Variants in CACNA1D observed in about 807,000 individuals in gnomAD.
CACNA1D encodes the protein voltage-dependent L-type calcium channel subunit alpha-1D.
A neutral mutation model predicts 257.1 loss-of-function variants in CACNA1D; 55 were observed. The observed-to-expected ratio is 0.21, with a 90% confidence interval of 0.17 to 0.27. CACNA1D has a LOEUF of 0.27. Among genes scored for constraint, CACNA1D ranks in the 10% least tolerant of loss-of-function variants. The pLI is 1.00. For synonymous variants in CACNA1D, 980 were observed against 1,014.9 expected (o/e 0.97, Z 0.65); for missense variants, 1,876 against 2,784.0 (o/e 0.67, Z 7.34).
intron 4 of CACNA1D, among the ~76,000 whole-genome samples, chr3:53,652,793 T>A (rs999497645): frequency 6.6e-6 from 1 of 152,334 alleles, no homozygotes; most frequent in East Asian, 1.9e-4. Context: ...ATGGCCACAC[T>A]CATTTGTTTA....
chr3:53,620,318 G>A (rs1461620924), intron 3 of CACNA1D, among the ~76,000 whole-genome samples: 1 of 152,160 alleles, frequency 6.6e-6, no homozygotes, highest in African/African-American at 2.4e-5. Context: ...TTTTGAGACA[G>A]GGTCTTACTC....
At chr3:53,735,054 A>C (rs1288508174) in intron 19 of CACNA1D, among the ~76,000 whole-genome samples, 1 of 152,112 alleles carries the variant, frequency 6.6e-6, no homozygotes, top group Non-Finnish European at 1.5e-5. Flanking sequence ...TACTAGTGTC[A>C]CTTTAGAATT....
chr3:53,791,954 TG>T (rs1272317023), intron 40 of CACNA1D: 1 of 152,214 alleles, frequency 6.6e-6, no homozygotes, highest in Non-Finnish European at 1.5e-5. Context: ...ATCTGTAAAA[TG>T]GGGTTAATAA....
chr3:53,722,426 A>G lies in CACNA1D; in HGVS notation c.1618A>G (p.Ile540Val), dbSNP rs200258942. The G allele has an allele frequency of 8.7e-6, 14 of 1,613,962 alleles. No homozygotes were observed. The highest frequency in any genetic ancestry group is 8.3e-5 in the Admixed American group (5 of 59,990). The part of the protein sequence containing the change: ...IVLVFLNTLT[I>V]SSEHYNQPDW... Reference sequence around the variant, plus strand: ...CCTGGTGTTTCTGAACACCTTAACCATTTCCTCTGAGCACTACAATCAGCC... The same window carrying G: ...CCTGGTGTTTCTGAACACCTTAACCGTTTCCTCTGAGCACTACAATCAGCC... The change falls in exon 12 of 48, where the codon ATT becomes GTT. Residue 540 changes from isoleucine (I) to valine (V), a missense_variant. Ile to Val is a conservative substitution (Grantham distance 29). Transcript: ENST00000350061.
intron 3 of CACNA1D, among the ~76,000 whole-genome samples, chr3:53,598,423 A>C: frequency 6.6e-6 from 1 of 151,800 alleles, no homozygotes; most frequent in East Asian, 1.9e-4. Context: ...TAAAAAAAAA[A>C]AAACCCAAAA....
At chr3:53,517,241 G>A (rs961377430) in intron 3 of CACNA1D, among the ~76,000 whole-genome samples, 1 of 38,262 alleles carries the variant, frequency 2.6e-5, no homozygotes, top group African/African-American at 1.2e-4. Flanking sequence ...TCACTGCAAG[G>A]CCCTGAATCC....
Position 53,799,213 on chromosome 3 carries a change from A to T in CACNA1D, c.4924-1036A>T, listed in dbSNP as rs550925325. On this transcript the variant is annotated intron_variant, in intron 40 of 47. Transcript: ENST00000350061. ...TTCAGATGCAGGACTTTCTGTGGAA[A>T]AGAATAAAGTTGCCATACAGTCCCT... 5.3e-4 allele frequency among the ~76,000 whole-genome samples: 80 copies of T among 152,214 alleles called. 1 individual carries two copies. The highest frequency in any genetic ancestry group is 9.3e-4 in the Non-Finnish European group (63 of 68,036).
At position 53,793,529 on chromosome 3, in the gene CACNA1D, G is replaced by A. The variant is rs896761499; in HGVS notation, c.4923+6577G>A. On this transcript the variant is annotated intron_variant, in intron 40 of 47. Transcript: ENST00000350061. The surrounding 1 kb of genome is among the most constrained non-coding windows in gnomAD (Gnocchi z 4.1). ...CAGAAAGGCCCCAAGCGATTCAAGT[G>A]GGCGGCGTTTCCATGTGCCTTCTCC... Among the ~76,000 whole-genome samples the A allele has an allele frequency of 4.6e-5, 7 of 152,190 alleles. No individual in the cohort carries two copies. The highest frequency in any genetic ancestry group is 1.7e-4 in the African/African-American group (7 of 41,452).
intron 47 of CACNA1D, 179 bp downstream of exon 47, chr3:53,810,477 C>G (rs1425256181): frequency 1.4e-6 from 1 of 689,660 alleles, no homozygotes; most frequent in African/African-American, 1.8e-5. Flanking sequence ...GTCACCACCA[C>G]TGGCTGCAGT....
chr3:53,715,852 G>A (rs572229005), intron 9 of CACNA1D, among the ~76,000 whole-genome samples: 1 of 152,172 alleles, frequency 6.6e-6, no homozygotes, highest in Admixed American at 6.5e-5. Context: ...TGGGGAGTTC[G>A]ATTTTACTTC....
intron 29 of CACNA1D, among the ~76,000 whole-genome samples, chr3:53,760,258 A>T (rs1471748574): frequency 6.6e-6 from 1 of 152,168 alleles, no homozygotes; most frequent in Non-Finnish European, 1.5e-5. Flanking sequence ...TAGAATAAAC[A>T]TCCCTACTCC....
intron 3 of CACNA1D, among the ~76,000 whole-genome samples, chr3:53,507,145 G>T (rs1478572964): frequency 6.6e-6 from 1 of 151,456 alleles, no homozygotes; most frequent in Non-Finnish European, 1.5e-5. Context: ...AGAGTAGATG[G>T]ACTCGTGTAG....
chr3:53,657,983 A>T (rs991354586), intron 4 of CACNA1D, among the ~76,000 whole-genome samples: 2 of 152,248 alleles, frequency 1.3e-5, no homozygotes, highest in African/African-American at 4.8e-5. Context: ...TTCAATAAAG[A>T]TATATTTCAA....
At chr3:53,552,713 A>T (rs2092560026) in intron 3 of CACNA1D, among the ~76,000 whole-genome samples, 1 of 151,952 alleles carries the variant, frequency 6.6e-6, no homozygotes, top group Non-Finnish European at 1.5e-5. Flanking sequence ...TTCTCTTTGG[A>T]CTTTCTTTCC....
At chr3:53,501,349 G>A (rs2090593946) in intron 2 of CACNA1D, among the ~76,000 whole-genome samples, 1 of 152,186 alleles carries the variant, frequency 6.6e-6, no homozygotes, top group African/African-American at 2.4e-5. Context: ...TTAATATGCA[G>A]TGTGCAGCCG....
At chr3:53,656,291 A>T (rs931234053) in intron 4 of CACNA1D, among the ~76,000 whole-genome samples, 2 of 152,142 alleles carry the variant, frequency 1.3e-5, no homozygotes, top group African/African-American at 2.4e-5. Flanking sequence ...GAATTAAAAA[A>T]ATTTTTTTTC....
intron 37 of CACNA1D, among the ~76,000 whole-genome samples, chr3:53,779,802 C>T (rs138845523): frequency 6.6e-5 from 10 of 152,260 alleles, no homozygotes; most frequent in African/African-American, 2.2e-4. Context: ...GAAAAACCCT[C>T]GCAGACACAC....
chr3:53,674,448 G>A (rs973241297), intron 8 of CACNA1D, among the ~76,000 whole-genome samples: 3 of 152,184 alleles, frequency 2.0e-5, no homozygotes, highest in African/African-American at 4.8e-5. Context: ...CGACTTTTGT[G>A]CACACATTTC....
At chr3:53,602,687 AT>A (rs35728299) in intron 3 of CACNA1D, among the ~76,000 whole-genome samples, 1 of 152,120 alleles carries the variant, frequency 6.6e-6, no homozygotes, top group African/African-American at 2.4e-5. Context: ...TTTGATTTGC[AT>A]TTCTCTGATG....
Sources: allele counts gnomAD v4.1 joint callset (sites outside exome capture counted in the v4.1 genomes callset), GRCh38; gene constraint gnomAD v4.1.1; non-coding constraint Gnocchi (gnomAD v3.1); transcripts MANE v1.5; gene names NCBI Gene and HGNC (gene_info 2026-07-23, HGNC 2026-07-21).